RASSF2: variants seen among roughly 807,000 people sequenced by gnomAD.
RASSF2 encodes the protein Ras association domain family member 2.
RASSF2 carries 34 observed loss-of-function variants against 46.3 expected under a neutral mutation model. The observed-to-expected ratio is 0.73, with a 90% CI of 0.56 to 0.98. The LOEUF (loss-of-function observed/expected upper bound fraction) is 0.98. Ranked by LOEUF, RASSF2 falls within the 50% of genes least tolerant of loss-of-function variation. The pLI is 0.00. For synonymous variants in RASSF2, 158 were observed against 162.5 expected, an observed-to-expected ratio of 0.97 and a Z score of 0.21; for missense variants, 364 against 431.2, an observed-to-expected ratio of 0.84 and a Z score of 1.38.
In RASSF2 at chr20:4,781,831, CG is replaced by C. The variant is rs1489556311; in HGVS notation, c.*2441del. 3.3e-5 allele frequency: 5 copies of C among 152,224 alleles called. No homozygotes were observed. The highest frequency in any genetic ancestry group is 5.9e-5 in the Non-Finnish European group (4 of 68,042). The allele number at this position is 152,224 out of a possible 1,614,324, so 9.4% of individuals were successfully genotyped here. On this transcript the variant is annotated 3_prime_UTR_variant, in exon 12 of 12. Transcript: ENST00000379400. ...ATTACATAAACTCCCACAAATCGGT[CG>C]AAGAGTTCAAAACTGCAAGACCATG...
intron 5 of RASSF2, among the ~76,000 whole-genome samples, chr20:4,793,358 A>G (rs1169308780): frequency 2.0e-5 from 3 of 152,218 alleles, no homozygotes; most frequent in African/African-American, 4.8e-5. Flanking sequence ...TATTTGACCA[A>G]TTAGGAACAA....
chr20:4,809,934 C>A (rs2423024), intron 2 of RASSF2, among the ~76,000 whole-genome samples: 30,323 of 152,174 alleles, frequency 0.2, 3,318 homozygotes, highest in East Asian at 0.32. Context: ...AGGGACAGCC[C>A]GTAGGCATTT....
At chr20:4,798,535 C>G (rs1926568005) in intron 3 of RASSF2, among the ~76,000 whole-genome samples, 1 of 152,132 alleles carries the variant, frequency 6.6e-6, no homozygotes, top group Non-Finnish European at 1.5e-5. Flanking sequence ...TCACAAGACT[C>G]AGAAGCTGGC....
intron 2 of RASSF2, among the ~76,000 whole-genome samples, chr20:4,813,307 T>C (rs1421037594): frequency 1.3e-5 from 2 of 152,072 alleles, no homozygotes; most frequent in African/African-American, 4.8e-5. Context: ...TTCAAGCATG[T>C]CAGCCTACGA....
At chr20:4,784,428 G>A in intron 11 of RASSF2, 86 bp from the exon 12 acceptor site, 1 of 1,256,768 alleles carries the variant, frequency 8.0e-7, no homozygotes, top group Non-Finnish European at 1.2e-6. Flanking sequence ...GTAACACCAA[G>A]GTCACACCAG....
chr20:4,802,632 T>C lies in RASSF2; in HGVS notation c.-32-1570A>G, dbSNP rs960455151. ...TAGAGTAGTCAAAATCAGAGACTGATTTTATAGAATGGTGATTCTTCAAAA... is the reference window on the plus strand; with the variant it reads ...TAGAGTAGTCAAAATCAGAGACTGACTTTATAGAATGGTGATTCTTCAAAA... On this transcript the variant is annotated intron_variant, in intron 2 of 11. Transcript: ENST00000379400. 4.6e-5 allele frequency among the ~76,000 whole-genome samples: 7 copies of C among 152,194 alleles called. No individual in the cohort carries two copies. In the South Asian group the frequency reaches 6.2e-4, roughly 14 times the overall value.
intron 3 of RASSF2, among the ~76,000 whole-genome samples, chr20:4,800,552 T>C (rs1535382): frequency 0.64 from 97,497 of 151,958 alleles, 31,803 homozygotes; most frequent in African/African-American, 0.75. Flanking sequence ...TTTATAAGGG[T>C]ACTTAGATCT....
intron 2 of RASSF2, among the ~76,000 whole-genome samples, chr20:4,819,788 T>C (rs1217208887): frequency 6.6e-6 from 1 of 152,102 alleles, no homozygotes; most frequent in Non-Finnish European, 1.5e-5. Context: ...TCACTTTGGG[T>C]CGACATGTTC....
Position 4,783,987 on chromosome 20 carries a change from A to G in RASSF2, c.*286T>C. 5.3e-6 allele frequency: 2 copies of G among 376,342 alleles called. No individual in the cohort carries two copies. The highest frequency in any genetic ancestry group is 7.7e-5 in the Admixed American group (2 of 26,130). 23.3% of individuals were successfully genotyped at this position (376,342 alleles called of 1,614,324 possible). ...ACATGTGAAAGTATCAGGTAGGCAC[A>G]TGGACACGTACCATGTGTGCACACA... On this transcript the variant is annotated 3_prime_UTR_variant, in exon 12 of 12. Coordinates refer to ENST00000379400, the MANE Select transcript of RASSF2 (RefSeq NM_014737.3).
chr20:4,802,580 C>T (rs138300246), intron 2 of RASSF2, among the ~76,000 whole-genome samples: 252 of 152,160 alleles, frequency 1.7e-3, no homozygotes, highest in Middle Eastern at 3.4e-3. Context: ...AGAAAAATAC[C>T]ATATGATTCC....
At chr20:4,809,634 C>T (rs1405848262) in intron 2 of RASSF2, among the ~76,000 whole-genome samples, 1 of 152,230 alleles carries the variant, frequency 6.6e-6, no homozygotes, top group Non-Finnish European at 1.5e-5. Context: ...ATGGGATCAG[C>T]AGTCTGTCCA....
intron 2 of RASSF2, among the ~76,000 whole-genome samples, chr20:4,818,451 C>A (rs1928467635): frequency 6.6e-6 from 1 of 152,190 alleles, no homozygotes; most frequent in Admixed American, 6.6e-5. Flanking sequence ...GGGTCACATG[C>A]TGACTTAGTC....
At chr20:4,818,600 T>A (rs1928484973) in intron 2 of RASSF2, among the ~76,000 whole-genome samples, 1 of 152,162 alleles carries the variant, frequency 6.6e-6, no homozygotes, top group Non-Finnish European at 1.5e-5. Flanking sequence ...TTATATCATA[T>A]AAACTGGAAA....
chr20:4,805,354 C>G (rs1428941232), intron 2 of RASSF2, among the ~76,000 whole-genome samples: 1 of 152,002 alleles, frequency 6.6e-6, no homozygotes, highest in Non-Finnish European at 1.5e-5. Flanking sequence ...AAACGCTGCA[C>G]TGTGGACGAA....
intron 10 of RASSF2, among the ~76,000 whole-genome samples, chr20:4,786,994 A>G (rs1925410076): frequency 6.6e-6 from 1 of 151,998 alleles, no homozygotes; most frequent in Non-Finnish European, 1.5e-5. Flanking sequence ...GAGGCAGGAA[A>G]ATAGCTTGAA....
chr20:4,796,437 G>A (rs1260456500), intron 4 of RASSF2, among the ~76,000 whole-genome samples: 1 of 152,224 alleles, frequency 6.6e-6, no homozygotes, highest in African/African-American at 2.4e-5. Flanking sequence ...ATTTGCCGAA[G>A]TTTATTCTAC....
At chr20:4,820,947 G>A (rs1928649965) in intron 2 of RASSF2, among the ~76,000 whole-genome samples, 2 of 152,054 alleles carry the variant, frequency 1.3e-5, no homozygotes, top group African/African-American at 4.8e-5. Context: ...TAATAATCAG[G>A]CCCATGTTCT....
intron 2 of RASSF2, among the ~76,000 whole-genome samples, chr20:4,802,962 G>A (rs1927020066): frequency 6.7e-6 from 1 of 148,510 alleles, no homozygotes; most frequent in Non-Finnish European, 1.5e-5. Context: ...AGGCTGGAGT[G>A]CAGTGGCATA....
At chr20:4,805,678 C>G (rs142901252) in intron 2 of RASSF2, among the ~76,000 whole-genome samples, 2 of 152,056 alleles carry the variant, frequency 1.3e-5, no homozygotes, top group African/African-American at 4.8e-5. Flanking sequence ...AGAAATAATC[C>G]GGGAGAAGAG....
Sources: allele counts gnomAD v4.1 joint callset (sites outside exome capture counted in the v4.1 genomes callset), GRCh38; gene constraint gnomAD v4.1.1; transcripts MANE v1.5; gene names NCBI Gene and HGNC (gene_info 2026-07-23, HGNC 2026-07-21).